The following DEUP1 variants were observed in gnomAD, a reference collection of about 807,000 sequenced individuals.
DEUP1 encodes the protein coiled-coil domain containing 67.
Under a neutral mutation model 87.4 loss-of-function variants are expected in DEUP1, and 82 were observed. That is an observed-to-expected ratio of 0.94 (90% CI 0.78 to 1.13). DEUP1 has a LOEUF of 1.13. DEUP1 is among the 50% of genes most tolerant of loss of function. The pLI, the probability that DEUP1 is intolerant of heterozygous loss-of-function variation, is 0.00. For synonymous variants in DEUP1, 214 were observed against 222.7 expected (o/e 0.96, Z 0.35); for missense variants, 663 against 681.5 (o/e 0.97, Z 0.30).
At chr11:93,354,605 C>A (rs1565301408) in intron 2 of DEUP1, among the ~76,000 whole-genome samples, 1 of 152,064 alleles carries the variant, frequency 6.6e-6, no homozygotes, top group Non-Finnish European at 1.5e-5. Flanking sequence ...CTGGGGAGGC[C>A]TCAGAATCAT....
At chr11:93,416,879 G>A (rs1014324352) in intron 13 of DEUP1, among the ~76,000 whole-genome samples, 26 of 152,004 alleles carry the variant, frequency 1.7e-4, no homozygotes, top group African/African-American at 3.9e-4. Context: ...TTCAATATAC[G>A]CAAATCAATA....
intron 13 of DEUP1, among the ~76,000 whole-genome samples, chr11:93,416,743 C>T (rs1591257002): frequency 1.3e-5 from 2 of 151,416 alleles, no homozygotes; most frequent in African/African-American, 2.4e-5. Flanking sequence ...GAATTTTAGA[C>T]CAATATCCTT....
chr11:93,366,860 A>G (rs1027244203), intron 5 of DEUP1, among the ~76,000 whole-genome samples: 2 of 152,212 alleles, frequency 1.3e-5, no homozygotes, highest in African/African-American at 4.8e-5. Context: ...GCTTAAGTCA[A>G]TCTTGCCCAA....
At chr11:93,427,321 C>T (rs1947953069) in intron 13 of DEUP1, among the ~76,000 whole-genome samples, 1 of 151,740 alleles carries the variant, frequency 6.6e-6, no homozygotes, top group Non-Finnish European at 1.5e-5. Context: ...AATAATGCCG[C>T]ATATCTACAA....
At chr11:93,359,724 A>G (rs1266002774) in intron 4 of DEUP1, among the ~76,000 whole-genome samples, 1 of 152,110 alleles carries the variant, frequency 6.6e-6, no homozygotes, top group East Asian at 1.9e-4. Flanking sequence ...TTAGATAACA[A>G]CCTCTCTACT....
intron 11 of DEUP1, 182 bp downstream of exon 11, chr11:93,396,507 T>C (rs558398292): frequency 4.5e-5 from 22 of 491,936 alleles, no homozygotes; most frequent in African/African-American, 3.8e-4. Flanking sequence ...GAATGTCTGG[T>C]TTTCTCCCTT....
chr11:93,395,055 C>A lies in DEUP1; in HGVS notation c.1239+399C>A, dbSNP rs1050130030. 2.6e-5 allele frequency among the ~76,000 whole-genome samples: 4 copies of A among 152,244 alleles called. No individual in the cohort carries two copies. The East Asian group carries it at 7.7e-4, about 29-fold the overall frequency. On this transcript the variant is annotated intron_variant, in intron 10 of 13. Coordinates refer to ENST00000298050, the MANE Select transcript of DEUP1 (RefSeq NM_181645.4). ...CAACACTTCCTACCCCTCCCCCACA[C>A]TTCATGTATTTCTTTCAGGCTTTTT...
intron 13 of DEUP1, 130 bp from the exon 14 acceptor site, chr11:93,437,413 G>T: frequency 1.5e-6 from 1 of 664,954 alleles, no homozygotes. Context: ...TGGGAATTCA[G>T]CCCAGGATGT....
rs1033135130 is a variant in DEUP1 at position 93,358,259 on chromosome 11, C to T, written c.297+1216C>T. Among the ~76,000 whole-genome samples the T allele has an allele frequency of 3.9e-5, 6 of 152,242 alleles. No individual in the cohort carries two copies. The South Asian group carries it at 1.0e-3, about 26-fold the overall frequency. ...AAGTTCTTGGCTTTGTTTACAGGCA[C>T]CAAGCAGTCATTTAATATATGAATC... On this transcript the variant is annotated intron_variant, in intron 4 of 13. Coordinates refer to ENST00000298050, the MANE Select transcript of DEUP1 (RefSeq NM_181645.4).
chr11:93,337,534 CAT>C (rs1943833703), intron 2 of DEUP1, among the ~76,000 whole-genome samples: 1 of 152,178 alleles, frequency 6.6e-6, no homozygotes, highest in Non-Finnish European at 1.5e-5. Context: ...CACCTCCCCC[CAT>C]ATACACGTAT....
At chr11:93,418,852 A>G (rs1301134167) in intron 13 of DEUP1, among the ~76,000 whole-genome samples, 2 of 152,086 alleles carry the variant, frequency 1.3e-5, no homozygotes, top group Non-Finnish European at 2.9e-5. Context: ...CTATGCAGCC[A>G]TAAAAAATGA....
chr11:93,415,824 G>A (rs1007910577), intron 13 of DEUP1, among the ~76,000 whole-genome samples: 2 of 151,250 alleles, frequency 1.3e-5, no homozygotes, highest in Non-Finnish European at 2.9e-5. Context: ...GTTTATTTTT[G>A]TTTCTCTATA....
At position 93,362,398 on chromosome 11, in the gene DEUP1, A is replaced by T. The variant is rs759153685; in HGVS notation, c.298-1762A>T. Among the ~76,000 whole-genome samples, 128 of 151,978 alleles carry T rather than the reference A, an allele frequency of 8.4e-4. 1 individual carries two copies. The highest frequency in any genetic ancestry group is 1.6e-3 in the Non-Finnish European group (111 of 67,870). ...AGATGACCAAATTTTAAAATGGATAAATATTTGAATAGATATTTCTCCAAA... is the reference window on the plus strand; with the variant it reads ...AGATGACCAAATTTTAAAATGGATATATATTTGAATAGATATTTCTCCAAA... On this transcript the variant is annotated intron_variant, in intron 4 of 13. Coordinates refer to ENST00000298050, the MANE Select transcript of DEUP1 (RefSeq NM_181645.4).
intron 7 of DEUP1, among the ~76,000 whole-genome samples, chr11:93,374,506 A>G (rs1382579754): frequency 2.0e-5 from 3 of 152,180 alleles, no homozygotes; most frequent in Non-Finnish European, 4.4e-5. Flanking sequence ...TATTCTTGCC[A>G]ATTATTCCAA....
intron 13 of DEUP1, among the ~76,000 whole-genome samples, chr11:93,415,387 G>C (rs1336964295): frequency 6.6e-6 from 1 of 152,084 alleles, no homozygotes. Flanking sequence ...AAAAATGCGA[G>C]TGCTTGGGAC....
chr11:93,332,565 G>A (rs1943545091), intron 2 of DEUP1, among the ~76,000 whole-genome samples: 1 of 152,194 alleles, frequency 6.6e-6, no homozygotes, highest in African/African-American at 2.4e-5. Flanking sequence ...CAGGCCTCGT[G>A]TGCTCTTCTG....
intron 13 of DEUP1, among the ~76,000 whole-genome samples, chr11:93,433,971 G>T (rs938516303): frequency 1.3e-5 from 2 of 152,174 alleles, no homozygotes; most frequent in Non-Finnish European, 2.9e-5. Context: ...CAGCCTCCCA[G>T]GTGAGGCAGG....
At chr11:93,417,952 T>C (rs1199252908) in intron 13 of DEUP1, among the ~76,000 whole-genome samples, 3 of 150,742 alleles carry the variant, frequency 2.0e-5, no homozygotes, top group Non-Finnish European at 4.5e-5. Context: ...ATTTAATAAA[T>C]GGTGCTGGGA....
intron 7 of DEUP1, among the ~76,000 whole-genome samples, chr11:93,383,974 A>G (rs1389924370): frequency 6.6e-6 from 1 of 152,160 alleles, no homozygotes. Context: ...AAAAATGGCA[A>G]TGGATTTGAT....
Sources: gnomAD v4.1 joint callset for allele counts (sites outside exome capture counted in the v4.1 genomes callset) on GRCh38, gnomAD v4.1.1 for gene constraint, MANE v1.5 for transcripts, NCBI Gene and HGNC (gene_info 2026-07-23, HGNC 2026-07-21) for gene names.